Variants in DYNLT2B observed in about 807,000 individuals in gnomAD.
The protein encoded by DYNLT2B is dynein light chain Tctex-type protein 2B.
A neutral mutation model predicts 19.5 loss-of-function variants in DYNLT2B; 14 were observed. The ratio of observed to expected loss-of-function variants is 0.72; its 90% CI spans 0.47 to 1.12. The LOEUF (loss-of-function observed/expected upper bound fraction) is 1.12. Among genes scored for constraint, DYNLT2B ranks in the 50% most tolerant of loss-of-function variants. DYNLT2B has a pLI of 0.00. For missense variants in DYNLT2B, 133 were observed against 174.7 expected (o/e 0.76, Z 1.35); for synonymous variants, 70 against 59.7 (o/e 1.17, Z -0.79).
At chr3:196,296,834 G>A (rs1726234591) in intron 3 of DYNLT2B, among the ~76,000 whole-genome samples, 1 of 152,132 alleles carries the variant, frequency 6.6e-6, no homozygotes, top group South Asian at 2.1e-4. Context: ...AGTATCATTT[G>A]AGCCCAGGAG....
chr3:196,313,695 G>A (rs1418535820), intron 2 of DYNLT2B, among the ~76,000 whole-genome samples: 2 of 152,106 alleles, frequency 1.3e-5, no homozygotes, highest in Non-Finnish European at 2.9e-5. Flanking sequence ...ACACAGGATT[G>A]CTATTCTTTG....
At chr3:196,316,356 T>C (rs1289890664) in intron 1 of DYNLT2B, 125 bp from the exon 2 acceptor site, 1 of 1,007,530 alleles carries the variant, frequency 9.9e-7, no homozygotes, top group African/African-American at 1.6e-5. Flanking sequence ...TATTTTTTAT[T>C]ATAAAATATA....
At position 196,301,205 on chromosome 3, in the gene DYNLT2B, G is replaced by A. The variant is rs867959924; in HGVS notation, c.318-5136C>T. 5.9e-5 allele frequency among the ~76,000 whole-genome samples: 9 copies of A among 152,128 alleles called. No homozygotes were observed. In the East Asian group the frequency reaches 9.6e-4, roughly 16 times the overall value. Reference sequence around the variant, plus strand: ...TTCAGCTCAGTACCTGAAGCTAAGCGGCCAATACTCTTCCTGCACAGCAGA... The same window carrying A: ...TTCAGCTCAGTACCTGAAGCTAAGCAGCCAATACTCTTCCTGCACAGCAGA... On this transcript the variant is annotated intron_variant, in intron 3 of 4. Transcript: ENST00000325318.
At chr3:196,305,044 G>A (rs887702733) in intron 3 of DYNLT2B, among the ~76,000 whole-genome samples, 2 of 152,062 alleles carry the variant, frequency 1.3e-5, no homozygotes, top group African/African-American at 2.4e-5. Flanking sequence ...CACCATGCCC[G>A]GCTAATTTTT....
At chr3:196,315,958 G>T in intron 2 of DYNLT2B, 140 bp downstream of exon 2, 1 of 844,548 alleles carries the variant, frequency 1.2e-6, no homozygotes. Context: ...TCCTGCCTTG[G>T]CATGCTAAAG....
At chr3:196,307,820 C>G (rs2108795023) in intron 2 of DYNLT2B, among the ~76,000 whole-genome samples, 1 of 151,732 alleles carries the variant, frequency 6.6e-6, no homozygotes, top group East Asian at 2.0e-4. Context: ...TGGCTCACGC[C>G]TGTAATCCCA....
At chr3:196,299,707 G>A (rs1007454955) in intron 3 of DYNLT2B, among the ~76,000 whole-genome samples, 16 of 152,060 alleles carry the variant, frequency 1.1e-4, no homozygotes, top group South Asian at 2.1e-4. Context: ...TGAGGCAGGC[G>A]GATCACGAGG....
At chr3:196,305,066 T>G (rs58864991) in intron 3 of DYNLT2B, among the ~76,000 whole-genome samples, 2,707 of 152,020 alleles carry the variant, frequency 0.018, 93 homozygotes, top group African/African-American at 0.063. Context: ...TATTTTTTTG[T>G]AGAGACAGAG....
At chr3:196,299,430 C>CCAGG (rs1457241762) in intron 3 of DYNLT2B, among the ~76,000 whole-genome samples, 1 of 151,814 alleles carries the variant, frequency 6.6e-6, no homozygotes, top group Non-Finnish European at 1.5e-5. Context: ...ACCATATTGC[C>CCAGG]CAGGTTGGTC....
At chr3:196,312,987 A>C (rs1356599274) in intron 2 of DYNLT2B, among the ~76,000 whole-genome samples, 1 of 152,136 alleles carries the variant, frequency 6.6e-6, no homozygotes, top group Non-Finnish European at 1.5e-5. Flanking sequence ...GCTGCACTCC[A>C]GCCTGGGTGA....
chr3:196,291,479 A>ATT, intron 4 of DYNLT2B, 105 bp from the exon 5 acceptor site: 34 of 1,179,062 alleles, frequency 2.9e-5, no homozygotes, highest in Middle Eastern at 2.1e-4. Context: ...GATCTTTCCA[A>ATT]TTTTTTTTTT....
chr3:196,297,804 A>C (rs1361424069), intron 3 of DYNLT2B, among the ~76,000 whole-genome samples: 1 of 152,198 alleles, frequency 6.6e-6, no homozygotes, highest in Non-Finnish European at 1.5e-5. Flanking sequence ...CAGGCAGTTC[A>C]CAACCCATAC....
chr3:196,295,061 A>C (rs1415644034), intron 4 of DYNLT2B, among the ~76,000 whole-genome samples: 6 of 151,790 alleles, frequency 4.0e-5, no homozygotes, highest in Non-Finnish European at 8.8e-5. Context: ...TAATTTACTC[A>C]ATCTAGTTTC....
chr3:196,314,582 G>C (rs765451232), intron 2 of DYNLT2B, among the ~76,000 whole-genome samples: 1 of 152,060 alleles, frequency 6.6e-6, no homozygotes, highest in Non-Finnish European at 1.5e-5. Flanking sequence ...CGAGGCCTAG[G>C]TGGGAGAATC....
chr3:196,313,050 A>G (rs1164796117), intron 2 of DYNLT2B, among the ~76,000 whole-genome samples: 2 of 152,254 alleles, frequency 1.3e-5, no homozygotes, highest in South Asian at 2.1e-4. Flanking sequence ...TGAAAATGAC[A>G]TGGTCAAGGA....
chr3:196,297,417 C>T (rs1049132781), intron 3 of DYNLT2B, among the ~76,000 whole-genome samples: 13 of 151,866 alleles, frequency 8.6e-5, no homozygotes, highest in East Asian at 3.9e-4. Flanking sequence ...CCCAGCTACT[C>T]GGGAGGCTGA....
chr3:196,306,363 G>A (rs1222211848), intron 3 of DYNLT2B, among the ~76,000 whole-genome samples: 1 of 151,452 alleles, frequency 6.6e-6, no homozygotes, highest in Non-Finnish European at 1.5e-5. Context: ...AGGAGGCCAA[G>A]GCTGCAGTGA....
chr3:196,298,032 AAT>A (rs1227258261), intron 3 of DYNLT2B: 5 of 191,184 alleles, frequency 2.6e-5, no homozygotes, highest in African/African-American at 1.2e-4. Context: ...ATACAGCGTG[AAT>A]ATGTGTGCCA....
At chr3:196,312,340 G>C (rs1473951502) in intron 2 of DYNLT2B, among the ~76,000 whole-genome samples, 2 of 152,154 alleles carry the variant, frequency 1.3e-5, no homozygotes, top group Non-Finnish European at 2.9e-5. Context: ...TCCTTAAGCA[G>C]AGAACATCAA....
Sources: gnomAD v4.1 joint callset for allele counts (sites outside exome capture counted in the v4.1 genomes callset) on GRCh38, gnomAD v4.1.1 for gene constraint, MANE v1.5 for transcripts, NCBI Gene and HGNC (gene_info 2026-07-23, HGNC 2026-07-21) for gene names.